The following NDRG3 variants were observed in gnomAD, a reference collection of about 807,000 sequenced individuals.
The protein encoded by NDRG3 is protein NDRG3.
Under a neutral mutation model 57.2 loss-of-function variants are expected in NDRG3, and 23 were observed. The observed-to-expected ratio is 0.40, with a 90% CI of 0.29 to 0.57. NDRG3 has a LOEUF of 0.57. Among genes scored for constraint, NDRG3 ranks in the 20% least tolerant of loss-of-function variants. The probability of loss-of-function intolerance (pLI) is 0.42; values close to 1 mark genes in which losing one functional copy is unlikely to be tolerated. For synonymous variants in NDRG3, 132 were observed against 162.6 expected (o/e 0.81, Z 1.43); for missense variants, 384 against 457.3 (o/e 0.84, Z 1.46).
intron 8 of NDRG3, among the ~76,000 whole-genome samples, chr20:36,672,932 T>C (rs1980310584): frequency 6.6e-6 from 1 of 151,756 alleles, no homozygotes; most frequent in Non-Finnish European, 1.5e-5. Context: ...GGCACCATCA[T>C]AGCTCACTGA....
chr20:36,656,788 A>T (rs182035613), intron 13 of NDRG3, among the ~76,000 whole-genome samples: 1 of 152,338 alleles, frequency 6.6e-6, no homozygotes, highest in East Asian at 1.9e-4. Context: ...TGTTGAGGTG[A>T]TAGTGAAGTT....
intron 3 of NDRG3, among the ~76,000 whole-genome samples, chr20:36,703,725 T>G (rs892215713): frequency 3.3e-5 from 5 of 152,212 alleles, no homozygotes; most frequent in African/African-American, 1.2e-4. Context: ...GCTCTGGGAT[T>G]ACAGGCATGA....
At chr20:36,669,315 T>C (rs1777046681) in intron 9 of NDRG3, among the ~76,000 whole-genome samples, 1 of 151,708 alleles carries the variant, frequency 6.6e-6, no homozygotes. Context: ...CTGCAACCTC[T>C]GCCTCCTGGG....
intron 8 of NDRG3, 129 bp from the exon 9 acceptor site, chr20:36,671,526 G>C: frequency 4.4e-6 from 3 of 676,440 alleles, no homozygotes; most frequent in Non-Finnish European, 7.5e-6. Context: ...CCCTTGGCCA[G>C]GTGCGATGGC....
At chr20:36,739,138 A>T (rs1232882869) in intron 1 of NDRG3, among the ~76,000 whole-genome samples, 2 of 121,498 alleles carry the variant, frequency 1.6e-5, no homozygotes, top group African/African-American at 3.9e-5. Flanking sequence ...CCATCTCAAA[A>T]AAAAAAAAAA....
chr20:36,656,423 A>C lies in NDRG3; in HGVS notation c.895-12T>G. ...GTGAGCTTCCCAGGCTGGGGGGATAAAACAAGAGGGCATTAATTTTTGCAT... is the reference window on the plus strand; with the variant it reads ...GTGAGCTTCCCAGGCTGGGGGGATACAACAAGAGGGCATTAATTTTTGCAT... On this transcript the variant is annotated splice_polypyrimidine_tract_variant and intron_variant, in intron 14 of 15. Coordinates refer to ENST00000349004, the MANE Select transcript of NDRG3 (RefSeq NM_032013.4). 1 of 1,614,148 alleles carries C rather than the reference A, an allele frequency of 6.2e-7. No individual in the cohort carries two copies. The highest frequency in any genetic ancestry group is 8.5e-7 in the Non-Finnish European group (1 of 1,180,024).
intron 3 of NDRG3, among the ~76,000 whole-genome samples, chr20:36,697,035 TG>T (rs2148146820): frequency 6.6e-6 from 1 of 152,284 alleles, no homozygotes; most frequent in African/African-American, 2.4e-5. Flanking sequence ...ACTGAAGTTC[TG>T]GGGTTCTGGG....
chr20:36,728,133 A>C (rs1985055928), intron 1 of NDRG3, among the ~76,000 whole-genome samples: 3 of 151,516 alleles, frequency 2.0e-5, no homozygotes, highest in Admixed American at 2.0e-4. Flanking sequence ...GGCTCACTGC[A>C]AACTCCGCCT....
chr20:36,741,316 C>G (rs1055460423), intron 1 of NDRG3, among the ~76,000 whole-genome samples: 7 of 152,158 alleles, frequency 4.6e-5, no homozygotes, highest in Non-Finnish European at 1.5e-5. Flanking sequence ...TCTCAATCAC[C>G]ATCACCAGCC....
At chr20:36,668,467 A>G (rs1979827695) in intron 9 of NDRG3, 1 of 152,172 alleles carries the variant, frequency 6.6e-6, no homozygotes, top group Non-Finnish European at 1.5e-5. Context: ...AGCATTATTC[A>G]TGTTTAAAAA....
chr20:36,712,908 C>T (rs1464358257), intron 2 of NDRG3, among the ~76,000 whole-genome samples: 1 of 151,628 alleles, frequency 6.6e-6, no homozygotes, highest in Non-Finnish European at 1.5e-5. Context: ...TTTCTTTTTC[C>T]TTCTGAGACA....
intron 1 of NDRG3, among the ~76,000 whole-genome samples, chr20:36,742,976 G>A (rs1480619027): frequency 6.6e-6 from 1 of 152,132 alleles, no homozygotes; most frequent in Non-Finnish European, 1.5e-5. Flanking sequence ...ATGATATACA[G>A]TAAAAATTGT....
chr20:36,742,091 C>T (rs1773328751), intron 1 of NDRG3, among the ~76,000 whole-genome samples: 1 of 152,188 alleles, frequency 6.6e-6, no homozygotes, highest in Admixed American at 6.5e-5. Context: ...ACCACCACAT[C>T]TCATACTGAT....
intron 8 of NDRG3, among the ~76,000 whole-genome samples, chr20:36,678,030 A>T (rs541737867): frequency 1.3e-5 from 2 of 152,316 alleles, no homozygotes; most frequent in Non-Finnish European, 2.9e-5. Flanking sequence ...ATATTTGTAA[A>T]GTCATTAGCA....
intron 1 of NDRG3, among the ~76,000 whole-genome samples, chr20:36,731,311 T>C (rs1235659727): frequency 6.6e-6 from 1 of 151,888 alleles, no homozygotes; most frequent in Non-Finnish European, 1.5e-5. Context: ...AGAAATACAA[T>C]GTCAAAGAAT....
Position 36,665,274 on chromosome 20 carries a change from G to T in NDRG3, c.720C>A (p.Pro240=). The T allele has an allele frequency of 6.2e-7, 1 of 1,614,182 alleles. No individual in the cohort carries two copies. The highest frequency in any genetic ancestry group is 1.3e-5 in the African/African-American group (1 of 75,050). The part of the protein sequence containing the change: ...NGRRDLEIER[P]ILGQNDNKSK... Reference sequence around the variant, plus strand: ...ATTTGTTATCATTTTGGCCCAGTATGGGTCTTTCGATCTCCAGGTCTCTGC... The same window carrying T: ...ATTTGTTATCATTTTGGCCCAGTATTGGTCTTTCGATCTCCAGGTCTCTGC... Residue 240 remains proline (P), a synonymous_variant, in exon 11 of 16, where the codon CCC becomes CCA. Coordinates refer to ENST00000349004, the MANE Select transcript of NDRG3 (RefSeq NM_032013.4).
chr20:36,734,590 C>T (rs751554842), intron 1 of NDRG3, among the ~76,000 whole-genome samples: 34 of 152,086 alleles, frequency 2.2e-4, no homozygotes, highest in Non-Finnish European at 4.0e-4. Context: ...TGTTACAGTT[C>T]GAGGCAGTAT....
At chr20:36,744,503 C>A (rs1986090005) in intron 1 of NDRG3, among the ~76,000 whole-genome samples, 1 of 152,030 alleles carries the variant, frequency 6.6e-6, no homozygotes, top group Non-Finnish European at 1.5e-5. Flanking sequence ...CAGGGTAAGA[C>A]TGAGGCTAAG....
chr20:36,723,022 G>GT (rs1984689777), intron 1 of NDRG3, among the ~76,000 whole-genome samples: 1 of 152,190 alleles, frequency 6.6e-6, no homozygotes, highest in African/African-American at 2.4e-5. Flanking sequence ...TGCTAGCCAT[G>GT]TGTGTGAGTT....
Sources: allele counts gnomAD v4.1 joint callset (sites outside exome capture counted in the v4.1 genomes callset), GRCh38; gene constraint gnomAD v4.1.1; transcripts MANE v1.5; gene names NCBI Gene and HGNC (gene_info 2026-07-23, HGNC 2026-07-21).